ZHX3: variants seen among roughly 807,000 people sequenced by gnomAD.
ZHX3 encodes zinc fingers and homeoboxes protein 3.
Under a neutral mutation model 64.5 loss-of-function variants are expected in ZHX3, and 20 were observed. That is an observed-to-expected ratio of 0.31 (90% confidence interval 0.22 to 0.45). ZHX3 has a LOEUF of 0.45. ZHX3 is among the 20% of genes least tolerant of loss of function. The pLI is 1.00. For missense variants in ZHX3, 1,041 were observed against 1,195.8 expected (o/e 0.87, Z 1.91); for synonymous variants, 423 against 461.6 (o/e 0.92, Z 1.07).
rs535440315 is a variant in ZHX3, at chr20:41,310,160, C to T, written c.-245+7349G>A. Among the ~76,000 whole-genome samples, 3 of 152,294 alleles carry T rather than the reference C, an allele frequency of 2.0e-5. No homozygotes were observed. The South Asian group carries it at 6.2e-4, about 32-fold the overall frequency. On this transcript the variant is annotated intron_variant, in intron 1 of 3. Coordinates refer to ENST00000683867, the MANE Select transcript of ZHX3 (RefSeq NM_001384317.1). ...TGCCACTCACCCCAGCAAACCCCAACCCTGGCTCAATCCAACTATATGCCT... is the reference window on the plus strand; with the variant it reads ...TGCCACTCACCCCAGCAAACCCCAATCCTGGCTCAATCCAACTATATGCCT...
intron 1 of ZHX3, among the ~76,000 whole-genome samples, chr20:41,271,298 G>A (rs577561970): frequency 3.3e-4 from 51 of 152,290 alleles, no homozygotes; most frequent in East Asian, 1.7e-3. Flanking sequence ...GATTACAGGC[G>A]TGAGCCACCA....
At chr20:41,210,518 TA>T (rs2039079258) in intron 2 of ZHX3, among the ~76,000 whole-genome samples, 1 of 152,126 alleles carries the variant, frequency 6.6e-6, no homozygotes, top group South Asian at 2.1e-4. Flanking sequence ...TATGCAGCCA[TA>T]AAAAATGATG....
intron 2 of ZHX3, among the ~76,000 whole-genome samples, chr20:41,248,507 T>C (rs892972330): frequency 6.6e-6 from 1 of 152,202 alleles, no homozygotes; most frequent in Non-Finnish European, 1.5e-5. Context: ...TCAAGAGGAC[T>C]GAAAGCAGGC....
intron 1 of ZHX3, among the ~76,000 whole-genome samples, chr20:41,282,449 C>T (rs1021247367): frequency 1.4e-5 from 2 of 139,148 alleles, no homozygotes; most frequent in African/African-American, 5.4e-5. Flanking sequence ...ACATTCGCCT[C>T]CAGGGTTCAA....
At chr20:41,248,622 G>A (rs562995454) in intron 2 of ZHX3, among the ~76,000 whole-genome samples, 4 of 152,260 alleles carry the variant, frequency 2.6e-5, no homozygotes, top group African/African-American at 7.2e-5. Context: ...TCACTCTAAC[G>A]AGTCAATTAC....
intron 2 of ZHX3, among the ~76,000 whole-genome samples, chr20:41,221,292 A>C (rs2039928937): frequency 6.6e-6 from 1 of 152,348 alleles, no homozygotes; most frequent in South Asian, 2.1e-4. Flanking sequence ...AAACGATGCC[A>C]CATTATTTAT....
intron 1 of ZHX3, among the ~76,000 whole-genome samples, chr20:41,315,940 T>C (rs549579007): frequency 1.3e-5 from 2 of 151,946 alleles, no homozygotes; most frequent in African/African-American, 4.8e-5. Flanking sequence ...TGGTAATTTT[T>C]AATGTTATCT....
chr20:41,255,535 T>C (rs2042204385), intron 2 of ZHX3, among the ~76,000 whole-genome samples: 1 of 152,176 alleles, frequency 6.6e-6, no homozygotes, highest in South Asian at 2.1e-4. Context: ...TTTTCCTTGA[T>C]TTTTCTAAGA....
intron 1 of ZHX3, among the ~76,000 whole-genome samples, chr20:41,305,555 C>T (rs560578682): frequency 3.3e-5 from 5 of 152,084 alleles, no homozygotes; most frequent in Middle Eastern, 3.4e-3. Flanking sequence ...GAGGCCGGGA[C>T]GGGCGGATCA....
intron 1 of ZHX3, among the ~76,000 whole-genome samples, chr20:41,302,006 A>AT (rs1341310644): frequency 1.5e-5 from 2 of 137,750 alleles, no homozygotes; most frequent in African/African-American, 5.5e-5. Context: ...GTGAGCCGAG[A>AT]CTGCGCCACT....
At chr20:41,196,394 T>TATATATTATAA in intron 3 of ZHX3, among the ~76,000 whole-genome samples, 1 of 49,654 alleles carries the variant, frequency 2.0e-5, no homozygotes, top group Non-Finnish European at 3.0e-5. Context: ...AATATATATT[T>TATATATTATAA]ATATATATTA....
intron 3 of ZHX3, among the ~76,000 whole-genome samples, chr20:41,194,359 G>A (rs999408992): frequency 6.6e-6 from 1 of 152,074 alleles, no homozygotes; most frequent in Non-Finnish European, 1.5e-5. Flanking sequence ...CTTTATTCTT[G>A]TAATGTGGTG....
chr20:41,199,070 G>A (rs1232511666), intron 3 of ZHX3, among the ~76,000 whole-genome samples: 1 of 151,802 alleles, frequency 6.6e-6, no homozygotes, highest in Non-Finnish European at 1.5e-5. Context: ...GAATTTGTTT[G>A]GTTCCTTTTT....
chr20:41,260,841 A>G (rs1243456798), intron 2 of ZHX3, among the ~76,000 whole-genome samples: 1 of 152,234 alleles, frequency 6.6e-6, no homozygotes, highest in African/African-American at 2.4e-5. Context: ...AAAGAAGCTA[A>G]TAACTTGCCC....
rs770958260 is a variant in ZHX3, at chr20:41,224,217, CATTTATGACA to C, written c.-150-19161_-150-19152del. Among the ~76,000 whole-genome samples the C allele has an allele frequency of 8.1e-4, 124 of 152,314 alleles. No individual in the cohort carries two copies. The highest frequency in any genetic ancestry group is 1.6e-3 in the Non-Finnish European group (107 of 68,010). On this transcript the variant is annotated intron_variant, in intron 2 of 3. Coordinates refer to ENST00000683867, the MANE Select transcript of ZHX3 (RefSeq NM_001384317.1). The surrounding 1 kb of genome is among the most constrained non-coding windows in gnomAD (Gnocchi z 5.2). Reference sequence around the variant, plus strand: ...TCTCCCAAATGTGGGAGCTAATTATCATTTATGACAATTTATTACAAAGCCCCTTTCTTAG... The same window carrying C: ...TCTCCCAAATGTGGGAGCTAATTATCATTTATTACAAAGCCCCTTTCTTAG...
At chr20:41,297,384 C>T (rs2044588346) in intron 1 of ZHX3, among the ~76,000 whole-genome samples, 1 of 152,134 alleles carries the variant, frequency 6.6e-6, no homozygotes, top group African/African-American at 2.4e-5. Context: ...TTCTAGGCAC[C>T]CCCATGTTTT....
intron 2 of ZHX3, among the ~76,000 whole-genome samples, chr20:41,253,444 A>G (rs543196578): frequency 1.3e-5 from 2 of 152,132 alleles, no homozygotes; most frequent in East Asian, 3.9e-4. Flanking sequence ...TCTTTTTTCC[A>G]TCTACTTCTC....
intron 2 of ZHX3, among the ~76,000 whole-genome samples, chr20:41,208,145 G>T (rs1377142924): frequency 1.3e-5 from 2 of 152,182 alleles, no homozygotes; most frequent in Non-Finnish European, 2.9e-5. Context: ...AAACCAGGAA[G>T]AAGTTGAATC....
chr20:41,191,231 CTTTT>C (rs3082121), intron 3 of ZHX3, among the ~76,000 whole-genome samples: 2 of 151,752 alleles, frequency 1.3e-5, no homozygotes, highest in African/African-American at 4.8e-5. Flanking sequence ...ATTTTTTATT[CTTTT>C]TTATTTCTGA....
Sources: allele counts gnomAD v4.1 joint callset (sites outside exome capture counted in the v4.1 genomes callset), GRCh38; gene constraint gnomAD v4.1.1; non-coding constraint Gnocchi (gnomAD v3.1); transcripts MANE v1.5; gene names NCBI Gene and HGNC (gene_info 2026-07-23, HGNC 2026-07-21).